The following PPFIA2 variants were observed in gnomAD, a reference collection of about 807,000 sequenced individuals.
PPFIA2 encodes PPFI scaffold protein A2.
PPFIA2 carries 46 observed loss-of-function variants against 175.5 expected under a neutral mutation model. The observed-to-expected ratio is 0.26, with a 90% confidence interval of 0.21 to 0.34. The LOEUF is 0.34. Among genes scored for constraint, PPFIA2 ranks in the 10% least tolerant of loss-of-function variants. The probability of loss-of-function intolerance (pLI) is 1.00; values close to 1 mark genes in which losing one functional copy is unlikely to be tolerated. For synonymous variants in PPFIA2, 568 were observed against 511.4 expected (o/e 1.11, Z -1.49); for missense variants, 1,179 against 1,506.1 (o/e 0.78, Z 3.60).
chr12:81,358,919 G>C (rs914402163), intron 15 of PPFIA2, among the ~76,000 whole-genome samples: 1 of 152,018 alleles, frequency 6.6e-6, no homozygotes, highest in Non-Finnish European at 1.5e-5. Context: ...AAAGATGAAA[G>C]AGTCGGAAAA....
At chr12:81,392,996 T>C (rs953087411) in intron 8 of PPFIA2, among the ~76,000 whole-genome samples, 18 of 152,032 alleles carry the variant, frequency 1.2e-4, no homozygotes, top group African/African-American at 4.3e-4. Context: ...GTCTGGGTCA[T>C]CTACTCTCCT....
chr12:81,477,306 T>G (rs1388676492), intron 4 of PPFIA2, among the ~76,000 whole-genome samples: 2 of 152,150 alleles, frequency 1.3e-5, no homozygotes, highest in Admixed American at 6.5e-5. Context: ...AGAGCTACTT[T>G]CAATTATTTG....
At chr12:81,758,336 G>T in intron 2 of PPFIA2, 64 bp downstream of exon 2, 2 of 454,064 alleles carry the variant, frequency 4.4e-6, no homozygotes, top group Admixed American at 4.7e-5. Context: ...GCGGGGTGGG[G>T]CCGGGGAGGT....
intron 4 of PPFIA2, among the ~76,000 whole-genome samples, chr12:81,528,889 A>G (rs1040842197): frequency 6.6e-6 from 1 of 152,064 alleles, no homozygotes; most frequent in African/African-American, 2.4e-5. Context: ...CTACAATTAT[A>G]TAGAAATCAA....
At chr12:81,740,829 G>A (rs1489613904) in intron 3 of PPFIA2, among the ~76,000 whole-genome samples, 3 of 150,814 alleles carry the variant, frequency 2.0e-5, no homozygotes, top group Admixed American at 6.6e-5. Flanking sequence ...ATAAGAGCAG[G>A]CCAAAAAAAA....
intron 4 of PPFIA2, among the ~76,000 whole-genome samples, chr12:81,564,316 A>T (rs2070842151): frequency 6.6e-6 from 1 of 152,176 alleles, no homozygotes; most frequent in Admixed American, 6.5e-5. Context: ...TTTGGTCCAC[A>T]CTCATCATTT....
At chr12:81,550,699 T>G (rs1349388216) in intron 4 of PPFIA2, among the ~76,000 whole-genome samples, 1 of 151,928 alleles carries the variant, frequency 6.6e-6, no homozygotes, top group Non-Finnish European at 1.5e-5. Flanking sequence ...AGGTTAGTTC[T>G]TTAGTAGAAC....
chr12:81,666,638 C>T (rs531637664), intron 4 of PPFIA2, among the ~76,000 whole-genome samples: 2 of 152,120 alleles, frequency 1.3e-5, no homozygotes, highest in Admixed American at 1.3e-4. Flanking sequence ...GGAGGGATAG[C>T]ATTTGGAGAT....
At chr12:81,650,865 A>C (rs912525224) in intron 4 of PPFIA2, among the ~76,000 whole-genome samples, 12 of 152,222 alleles carry the variant, frequency 7.9e-5, no homozygotes, top group African/African-American at 2.7e-4. Context: ...ACTGAATTTC[A>C]AGACAAGCTC....
intron 4 of PPFIA2, among the ~76,000 whole-genome samples, chr12:81,578,124 TGTGTAA>T (rs1217808089): frequency 3.3e-5 from 5 of 151,754 alleles, no homozygotes; most frequent in African/African-American, 1.2e-4. Flanking sequence ...TCTACAGGGC[TGTGTAA>T]GTGTCTTTAA....
chr12:81,575,679 T>C (rs1479634786), intron 4 of PPFIA2, among the ~76,000 whole-genome samples: 1 of 151,724 alleles, frequency 6.6e-6, no homozygotes, highest in African/African-American at 2.4e-5. Flanking sequence ...TATGGGGTTA[T>C]AAACCTATAA....
At chr12:81,403,712 G>A (rs114579499) in intron 8 of PPFIA2, among the ~76,000 whole-genome samples, 155 of 152,226 alleles carry the variant, frequency 1.0e-3, no homozygotes, top group African/African-American at 3.6e-3. Context: ...CACTCAACTG[G>A]TAAGGGAAAA....
At chr12:81,349,219 C>T (rs1314576752) in intron 17 of PPFIA2, among the ~76,000 whole-genome samples, 1 of 152,050 alleles carries the variant, frequency 6.6e-6, no homozygotes, top group East Asian at 1.9e-4. Context: ...GCTGGCCAGG[C>T]AGAAAGTACT....
chr12:81,516,997 A>G (rs562592255), intron 4 of PPFIA2, among the ~76,000 whole-genome samples: 3 of 152,252 alleles, frequency 2.0e-5, no homozygotes, highest in Non-Finnish European at 2.9e-5. Context: ...CAAGAGGAAA[A>G]TATGTTTAAT....
intron 4 of PPFIA2, among the ~76,000 whole-genome samples, chr12:81,502,173 C>T (rs2060659231): frequency 6.6e-6 from 1 of 152,232 alleles, no homozygotes. Flanking sequence ...AATTTTAATA[C>T]TGACTCTCAG....
chr12:81,726,144 C>T (rs1017203062), intron 3 of PPFIA2, among the ~76,000 whole-genome samples: 1 of 151,184 alleles, frequency 6.6e-6, no homozygotes, highest in Non-Finnish European at 1.5e-5. Flanking sequence ...TATAACATCT[C>T]ATTAACTATC....
intron 4 of PPFIA2, among the ~76,000 whole-genome samples, chr12:81,489,756 G>C (rs1379565389): frequency 6.6e-6 from 1 of 151,800 alleles, no homozygotes; most frequent in Admixed American, 6.6e-5. Flanking sequence ...TATTGTATTT[G>C]TTATTTGAAA....
intron 23 of PPFIA2, among the ~76,000 whole-genome samples, chr12:81,298,701 A>T (rs549172015): frequency 6.6e-6 from 1 of 152,208 alleles, no homozygotes; most frequent in Non-Finnish European, 1.5e-5. Context: ...CACTGTTCAG[A>T]TATTCCCTTA....
chr12:81,668,147 C>T (rs938886827), intron 4 of PPFIA2, among the ~76,000 whole-genome samples: 2 of 152,036 alleles, frequency 1.3e-5, no homozygotes, highest in African/African-American at 2.4e-5. Flanking sequence ...CACCACCTCA[C>T]ATTTCAGTTT....
Sources: allele counts gnomAD v4.1 joint callset (sites outside exome capture counted in the v4.1 genomes callset), GRCh38; gene constraint gnomAD v4.1.1; transcripts MANE v1.5; gene names NCBI Gene and HGNC (gene_info 2026-07-23, HGNC 2026-07-21).